Variants in LY6G5B observed in about 807,000 individuals in gnomAD.
LY6G5B encodes lymphocyte antigen 6 complex locus protein G5b.
A neutral mutation model predicts 6.7 loss-of-function variants in LY6G5B; 6 were observed. That is an observed-to-expected ratio of 0.89 (90% CI 0.49 to 1.76). The LOEUF (loss-of-function observed/expected upper bound fraction) is 1.76, where lower values mean the gene tolerates loss of function less well. Ranked by LOEUF, LY6G5B falls within the 40% of genes most tolerant of loss-of-function variation. The probability of loss-of-function intolerance (pLI) is 0.01; values close to 1 mark genes in which losing one functional copy is unlikely to be tolerated. For synonymous variants in LY6G5B, 98 were observed against 99.4 expected (o/e 0.99, Z 0.09); for missense variants, 240 against 249.5 (o/e 0.96, Z 0.26).
chr6:31,672,876 CCT>C (rs1802333154), exon 3 of LY6G5B: 1 of 155,044 alleles, frequency 6.4e-6, no homozygotes, highest in Non-Finnish European at 1.4e-5. Flanking sequence ...ATCCCCCATC[CCT>C]CTCAATCCAG....
chr6:31,670,297 T>C (rs1802111442), exon 1 of LY6G5B: 1 of 241,418 alleles, frequency 4.1e-6, no homozygotes, highest in Non-Finnish European at 8.0e-6. Flanking sequence ...AGATGAGAAA[T>C]ATTTGTTTGG....
exon 3 of LY6G5B, chr6:31,673,497 A>G (rs2151196779): frequency 6.6e-6 from 1 of 152,502 alleles, no homozygotes; most frequent in South Asian, 2.1e-4. Flanking sequence ...TGTTCTGCTC[A>G]GCTCCATGTC....
At chr6:31,670,945 T>C (rs1282691176) in exon 1 of LY6G5B, 1 of 1,600,232 alleles carries the variant, frequency 6.2e-7, no homozygotes, top group Admixed American at 1.7e-5. Context: ...TCCCCAGAAT[T>C]CCAAAATGAA....
chr6:31,670,131 G>T (rs1188588062), upstream of LY6G5B: 1 of 568,278 alleles, frequency 1.8e-6, no homozygotes, highest in African/African-American at 1.9e-5. Flanking sequence ...GACTCCAGGG[G>T]CCCTCATGGC....
At chr6:31,671,043 G>A (rs972622430) in intron 1 of LY6G5B, 35 bp downstream of exon 1, 1 of 1,609,828 alleles carries the variant, frequency 6.2e-7, no homozygotes, top group Non-Finnish European at 8.5e-7. Flanking sequence ...GGGAGGAAGG[G>A]GTAACTGAGT....
exon 1 of LY6G5B, chr6:31,670,762 C>T (rs1200101433): frequency 3.3e-6 from 2 of 607,250 alleles, no homozygotes; most frequent in East Asian, 2.8e-5. Context: ...GCTGTCCCTC[C>T]TGCCAAGTAA....
At chr6:31,673,209 T>G (rs1248687599) in exon 3 of LY6G5B, 1 of 152,258 alleles carries the variant, frequency 6.6e-6, no homozygotes, top group Non-Finnish European at 1.5e-5. Flanking sequence ...GAGGTTGCAG[T>G]GAGCCGAGAT....
At chr6:31,670,663 C>T (rs1030184460) in exon 1 of LY6G5B, 3 of 463,950 alleles carry the variant, frequency 6.5e-6, no homozygotes, top group African/African-American at 5.9e-5. Context: ...AAGGTAGACA[C>T]TGGATAAAGA....
At chr6:31,671,420 A>G (rs1802208244) in intron 2 of LY6G5B, 136 bp downstream of exon 2, 11 of 1,312,868 alleles carry the variant, frequency 8.4e-6, no homozygotes, top group Non-Finnish European at 1.2e-5. Flanking sequence ...TCATGCCTGT[A>G]ACCCTAGCAC....
At chr6:31,671,338 TCTCTCCTCTCACAGATCAGG>T in intron 2 of LY6G5B, 54 bp downstream of exon 2, 4 of 1,609,228 alleles carry the variant, frequency 2.5e-6, no homozygotes, top group Non-Finnish European at 2.5e-6. Flanking sequence ...GGCTTGGTCT[TCTCTCCTCTCACAGATCAGG>T]GCTGCTCCGG....
At chr6:31,670,658 A>G (rs1802142168) in exon 1 of LY6G5B, 3 of 454,650 alleles carry the variant, frequency 6.6e-6, no homozygotes, top group Non-Finnish European at 1.2e-5. Context: ...AGACAAAGGT[A>G]GACACTGGAT....
chr6:31,673,353 G>C (rs987191583), exon 3 of LY6G5B: 1 of 152,610 alleles, frequency 6.6e-6, no homozygotes, highest in Non-Finnish European at 1.5e-5. Flanking sequence ...ACCAACCCCC[G>C]CCTGTCCTAG....
rs1174797485 is a variant in LY6G5B at position 31,671,267 on chromosome 6, T to TTTTA, written c.170_171insTTTA (p.Ile58LeufsTer7). The TTTTA allele has an allele frequency of 2.5e-6, 4 of 1,613,646 alleles. No homozygotes were observed. Among genetic ancestry groups the TTTTA allele is most frequent in the Admixed American group, 1.7e-5 (1 of 60,004 alleles). On this transcript the variant is annotated frameshift_variant, in exon 2 of 3. Coordinates refer to ENST00000375864, the Ensembl canonical transcript of LY6G5B. LOFTEE classifies it low-confidence loss of function (END_TRUNC). ...ATCAGCAGCTCATCCCTGTGCATGG[T>TTTTA]GATCACCATCTATTATGGTAAATAA... is the stretch of plus-strand genomic sequence containing the variant.
Position 31,671,929 on chromosome 6 carries a change from C to T in LY6G5B, c.253C>T (p.Arg85Cys), listed in dbSNP as rs779101478. The change falls in exon 3 of 3, where the codon CGC (arginine) becomes TGC (cysteine). Residue 85 changes from arginine (R) to cysteine (C), a missense_variant. Coordinates refer to ENST00000375864, the Ensembl canonical transcript of LY6G5B. ...CATTTCCTACCGCTGCCAAGAAAAA[C>T]GCAACACCTACTTTGCAGAGTACTG... is the stretch of plus-strand genomic sequence containing the variant. The T allele has an allele frequency of 1.7e-5, 27 of 1,613,088 alleles. No homozygotes were observed. The highest frequency in any genetic ancestry group is 1.6e-4 in the Middle Eastern group (1 of 6,062).
chr6:31,671,439 G>T (rs934290745), intron 2 of LY6G5B, among the ~76,000 whole-genome samples, 155 bp downstream of exon 2: 1 of 152,180 alleles, frequency 6.6e-6, no homozygotes, highest in African/African-American at 2.4e-5. Context: ...ACTTTGGGAG[G>T]CTGAGGCAGG....
chr6:31,671,418 G>A, intron 2 of LY6G5B, 134 bp downstream of exon 2: 3 of 1,324,428 alleles, frequency 2.3e-6, no homozygotes, highest in Non-Finnish European at 3.1e-6. Context: ...GCTCATGCCT[G>A]TAACCCTAGC....
At chr6:31,671,916 C>T in exon 3 of LY6G5B, 2 of 1,613,088 alleles carry the variant, frequency 1.2e-6, no homozygotes, top group Non-Finnish European at 1.7e-6. Context: ...TTTCCTACCG[C>T]TGCCAAGAAA....
Position 31,670,947 on chromosome 6 carries a change from C to T in LY6G5B, c.-4C>T. ...GGAACTGCCCATCTCCCCAGAATTC[C>T]AAAATGAAGGTCCATATGCTTGTAG... On this transcript the variant is annotated 5_prime_UTR_variant, in exon 1 of 3. An upstream open reading frame in the 5' UTR gains an earlier in-frame stop. Coordinates refer to ENST00000375864, the Ensembl canonical transcript of LY6G5B. 1.2e-6 allele frequency: 2 copies of T among 1,600,882 alleles called. No homozygotes were observed. The highest frequency in any genetic ancestry group is 1.3e-5 in the African/African-American group (1 of 74,580).
At chr6:31,670,101 G>A, upstream of LY6G5B, 2 of 638,070 alleles carry the variant, frequency 3.1e-6, no homozygotes, top group Non-Finnish European at 5.3e-6. Context: ...TGTTGGGGAA[G>A]GGAAGGTGAT....
Sources: gnomAD v4.1 joint callset for allele counts (sites outside exome capture counted in the v4.1 genomes callset) on GRCh38, gnomAD v4.1.1 for gene constraint, MANE v1.5 for transcripts, NCBI Gene and HGNC (gene_info 2026-07-23, HGNC 2026-07-21) for gene names.